The following PTPRQ variants were observed in gnomAD, a reference collection of about 807,000 sequenced individuals.
The protein encoded by PTPRQ is protein tyrosine phosphatase receptor type Q.
PTPRQ carries 199 observed loss-of-function variants against 246.0 expected under a neutral mutation model. The observed-to-expected ratio is 0.81, with a 90% confidence interval of 0.72 to 0.91. PTPRQ has a LOEUF of 0.91. Among genes scored for constraint, PTPRQ ranks in the 40% least tolerant of loss-of-function variants. The pLI, the probability that PTPRQ is intolerant of heterozygous loss-of-function variation, is 0.00. For synonymous variants in PTPRQ, 869 were observed against 853.2 expected, an observed-to-expected ratio of 1.02 and a Z score of -0.32; for missense variants, 2,624 against 2,528.4, an observed-to-expected ratio of 1.04 and a Z score of -0.81.
rs1898506285 is a variant in PTPRQ at position 80,610,451 on chromosome 12, G to C, written c.4744G>C (p.Glu1582Gln). 1 of 1,485,626 alleles carries C rather than the reference G, an allele frequency of 6.7e-7. No homozygotes were observed. The highest frequency in any genetic ancestry group is 9.0e-7 in the Non-Finnish European group (1 of 1,112,432). The allele number at this position is 1,485,626 out of a possible 1,614,324, so 92.0% of individuals were successfully genotyped here. ...TATTTTCCTATAGGTAGATAATGAT[G>C]AATTTAATATATCCTTCATCAAGTC... ...LIDVKSVDND[E>Q]FNISFIKSNE... is the part of the protein sequence containing the mutation. Residue 1582 changes from glutamate (E) to glutamine (Q), a missense_variant, in exon 28 of 45, where the codon GAA (glutamate) becomes CAA (glutamine). Transcript: ENST00000644991.
intron 39 of PTPRQ, among the ~76,000 whole-genome samples, chr12:80,665,814 T>A (rs966651658): frequency 6.6e-6 from 1 of 151,890 alleles, no homozygotes; most frequent in Non-Finnish European, 1.5e-5. Flanking sequence ...AAAGAAGACA[T>A]ACAAATGGCC....
chr12:80,619,714 ATTAT>A (rs1351529873), intron 31 of PTPRQ, among the ~76,000 whole-genome samples, 172 bp downstream of exon 31: 9 of 151,408 alleles, frequency 5.9e-5, no homozygotes, highest in South Asian at 2.1e-4. Context: ...AAATAAATAA[ATTAT>A]TTATTTATTT....
Position 80,464,068 on chromosome 12 carries a change from A to T in PTPRQ, c.910+3166A>T, listed in dbSNP as rs1400182519. On this transcript the variant is annotated intron_variant, in intron 6 of 44. Coordinates refer to ENST00000644991, the MANE Select transcript of PTPRQ (RefSeq NM_001145026.2). The stretch of plus-strand genomic sequence containing the variant: ...TAAATGCTCCAATTAAAAGACACAG[A>T]CTGGCAAATTAGATAAAGAGTCAAG... 2.6e-5 allele frequency among the ~76,000 whole-genome samples: 4 copies of T among 152,166 alleles called. No homozygotes were observed. The South Asian group carries it at 8.3e-4, about 32-fold the overall frequency.
At chr12:80,481,242 T>G (rs1894041702) in intron 8 of PTPRQ, among the ~76,000 whole-genome samples, 1 of 152,084 alleles carries the variant, frequency 6.6e-6, no homozygotes, top group African/African-American at 2.4e-5. Flanking sequence ...ATAAACATAA[T>G]CCAGCATATA....
chr12:80,584,570 A>G (rs1897548375), intron 25 of PTPRQ, among the ~76,000 whole-genome samples: 1 of 152,160 alleles, frequency 6.6e-6, no homozygotes, highest in South Asian at 2.1e-4. Flanking sequence ...TGACACAGTA[A>G]GTCCCCAAGC....
chr12:80,523,230 T>G (rs917889525), intron 17 of PTPRQ, among the ~76,000 whole-genome samples: 5 of 152,174 alleles, frequency 3.3e-5, no homozygotes, highest in Non-Finnish European at 7.3e-5. Context: ...CATTTTTTAT[T>G]GCGTCTATTT....
intron 17 of PTPRQ, among the ~76,000 whole-genome samples, chr12:80,524,093 G>T (rs989152738): frequency 2.0e-5 from 3 of 152,164 alleles, no homozygotes; most frequent in Admixed American, 2.0e-4. Flanking sequence ...TCTTCTTGTT[G>T]AATTGATTCC....
At chr12:80,477,130 C>T (rs1446802440) in intron 8 of PTPRQ, among the ~76,000 whole-genome samples, 2 of 152,024 alleles carry the variant, frequency 1.3e-5, no homozygotes, top group Admixed American at 6.6e-5. Flanking sequence ...TATTTTAAAC[C>T]AATTGTTAGT....
chr12:80,565,178 C>A (rs1329059187), intron 25 of PTPRQ, among the ~76,000 whole-genome samples: 46 of 152,246 alleles, frequency 3.0e-4, no homozygotes, highest in Non-Finnish European at 1.0e-4. Flanking sequence ...TTGAAATTAT[C>A]TTAGGTATCA....
At chr12:80,620,129 T>C (rs1898922702) in intron 31 of PTPRQ, 25 bp from the exon 32 acceptor site, 3 of 1,519,374 alleles carry the variant, frequency 2.0e-6, no homozygotes, top group Non-Finnish European at 1.8e-6. Flanking sequence ...CTTGGAATTA[T>C]TGTTCTCTTT....
At chr12:80,587,298 T>C (rs191106913) in intron 25 of PTPRQ, among the ~76,000 whole-genome samples, 3 of 152,342 alleles carry the variant, frequency 2.0e-5, no homozygotes, top group Non-Finnish European at 2.9e-5. Flanking sequence ...TCACATGTCA[T>C]CATTTTGATT....
At chr12:80,629,152 GCACACA>G (rs35680769) in intron 33 of PTPRQ, among the ~76,000 whole-genome samples, 126 of 146,200 alleles carry the variant, frequency 8.6e-4, no homozygotes, top group African/African-American at 3.0e-3. Context: ...GGAGTGAGTG[GCACACA>G]CACACACACA....
chr12:80,630,329 C>A (rs894709329), intron 33 of PTPRQ, among the ~76,000 whole-genome samples: 1 of 151,988 alleles, frequency 6.6e-6, no homozygotes, highest in Non-Finnish European at 1.5e-5. Flanking sequence ...TGGTGGTTTT[C>A]TCTTGATGTC....
chr12:80,483,477 G>A (rs1894151584), intron 8 of PTPRQ, among the ~76,000 whole-genome samples: 2 of 151,210 alleles, frequency 1.3e-5, no homozygotes, highest in South Asian at 4.2e-4. Context: ...GTATACATAT[G>A]TAACTAACCT....
Position 80,605,248 on chromosome 12 carries a change from A to C in PTPRQ, c.4731+68A>C, listed in dbSNP as rs542222563. ...TTAATAATACAAGATTTGGAACCAGACTATTTGAATTTGAATTTTGGCTCT... is the reference window on the plus strand; with the variant it reads ...TTAATAATACAAGATTTGGAACCAGCCTATTTGAATTTGAATTTTGGCTCT... On this transcript the variant is annotated intron_variant, in intron 27 of 44. Coordinates refer to ENST00000644991, the MANE Select transcript of PTPRQ (RefSeq NM_001145026.2). The C allele has an allele frequency of 1.9e-4, 291 of 1,496,790 alleles. 2 individuals carry two copies. The East Asian group carries it at 7.3e-3, about 38-fold the overall frequency. The allele number at this position is 1,496,790 out of a possible 1,614,324, so 92.7% of individuals were successfully genotyped here.
intron 42 of PTPRQ, 122 bp downstream of exon 42, chr12:80,670,614 C>G: frequency 7.4e-7 from 1 of 1,344,228 alleles, no homozygotes; most frequent in Non-Finnish European, 9.7e-7. Flanking sequence ...TCAGAGATTT[C>G]ACATTTAGCA....
At chr12:80,654,001 C>T (rs1900340933) in intron 38 of PTPRQ, among the ~76,000 whole-genome samples, 2 of 151,550 alleles carry the variant, frequency 1.3e-5, no homozygotes. Flanking sequence ...TTCATAATTT[C>T]TTTTTCTTTC....
intron 8 of PTPRQ, among the ~76,000 whole-genome samples, chr12:80,479,587 G>A (rs1210793346): frequency 6.9e-6 from 1 of 143,890 alleles, no homozygotes; most frequent in Admixed American, 7.0e-5. Context: ...CTGGCAAATT[G>A]GATAAAGAGT....
At chr12:80,582,521 G>T (rs1897476184) in intron 25 of PTPRQ, among the ~76,000 whole-genome samples, 1 of 152,108 alleles carries the variant, frequency 6.6e-6, no homozygotes, top group South Asian at 2.1e-4. Context: ...TAAAAAGAAT[G>T]CAGAGAGCTC....
Sources: allele counts gnomAD v4.1 joint callset (sites outside exome capture counted in the v4.1 genomes callset), GRCh38; gene constraint gnomAD v4.1.1; transcripts MANE v1.5; gene names NCBI Gene and HGNC (gene_info 2026-07-23, HGNC 2026-07-21).